CHCHD3: variants seen among roughly 807,000 people sequenced by gnomAD.
CHCHD3 encodes the protein coiled-coil-helix-coiled-coil-helix domain containing 3.
CHCHD3 carries 20 observed loss-of-function variants against 38.2 expected under a neutral mutation model. The ratio of observed to expected loss-of-function variants is 0.52; its 90% CI spans 0.37 to 0.76. The LOEUF (loss-of-function observed/expected upper bound fraction) is 0.76, where lower values mean the gene tolerates loss of function less well. Ranked by LOEUF, CHCHD3 falls within the 30% of genes least tolerant of loss-of-function variation. CHCHD3 has a pLI of 0.00. For missense variants in CHCHD3, 245 were observed against 279.2 expected (o/e 0.88, Z 0.87); for synonymous variants, 82 against 100.0 (o/e 0.82, Z 1.07).
chr7:132,865,172 C>T (rs565344776), intron 5 of CHCHD3, among the ~76,000 whole-genome samples: 2 of 152,204 alleles, frequency 1.3e-5, no homozygotes, highest in South Asian at 4.1e-4. Flanking sequence ...CAAGTGATGA[C>T]CCATGCTAAG....
At chr7:132,807,195 G>GC (rs550408340) in intron 6 of CHCHD3, among the ~76,000 whole-genome samples, 506 of 152,278 alleles carry the variant, frequency 3.3e-3, no homozygotes, top group Non-Finnish European at 5.6e-3. Context: ...CTTGGGGGAG[G>GC]CCCCGCTGCC....
Position 133,035,063 on chromosome 7 carries a change from A to G in CHCHD3, c.170-10436T>C, listed in dbSNP as rs565698765. On this transcript the variant is annotated intron_variant, in intron 2 of 7. Coordinates refer to ENST00000262570, the MANE Select transcript of CHCHD3 (RefSeq NM_017812.4). The surrounding 1 kb of genome is among the most constrained non-coding windows in gnomAD (Gnocchi z 4.7). ...GCTTAAATTCATCCAACACAAAGGT[A>G]CTCTTGGGCAGGTGAGCGAAGGGGT... is the stretch of plus-strand genomic sequence containing the variant. 45 of 1,613,588 alleles carry G rather than the reference A, an allele frequency of 2.8e-5. No homozygotes were observed. Among genetic ancestry groups the G allele is most frequent in the Non-Finnish European group, 3.5e-5 (41 of 1,179,740 alleles).
chr7:132,951,254 T>C (rs952939734), intron 4 of CHCHD3, among the ~76,000 whole-genome samples: 2 of 152,144 alleles, frequency 1.3e-5, no homozygotes, highest in Admixed American at 1.3e-4. Flanking sequence ...TCTCCAAAAC[T>C]AGATACTAAC....
At chr7:132,982,811 C>T (rs1474035055) in intron 3 of CHCHD3, among the ~76,000 whole-genome samples, 3 of 151,796 alleles carry the variant, frequency 2.0e-5, no homozygotes, top group Non-Finnish European at 2.9e-5. Context: ...CAATAACACA[C>T]GTTTGGACTG....
chr7:132,905,626 A>G (rs1330453475), intron 4 of CHCHD3, among the ~76,000 whole-genome samples: 1 of 152,210 alleles, frequency 6.6e-6, no homozygotes, highest in East Asian at 1.9e-4. Flanking sequence ...TTAAAGAAAA[A>G]AAAAACTTAC....
At chr7:133,061,792 A>C (rs577852423) in intron 2 of CHCHD3, among the ~76,000 whole-genome samples, 1 of 152,388 alleles carries the variant, frequency 6.6e-6, no homozygotes, top group South Asian at 2.1e-4. Flanking sequence ...ATATAGAACC[A>C]GAATATTGTC....
rs1806278232 is a variant in CHCHD3, at chr7:132,785,029, T to C, written c.*608A>G. On this transcript the variant is annotated 3_prime_UTR_variant, in exon 8 of 8. Coordinates refer to ENST00000262570, the MANE Select transcript of CHCHD3 (RefSeq NM_017812.4). ...TCCAGTAGAAGAGGTACATTTTCTC[T>C]CCTTTTTGTCTTCTTGCCTGTATAA... is the stretch of plus-strand genomic sequence containing the variant. 6.5e-6 allele frequency: 1 copy of C among 152,678 alleles called. No homozygotes were observed. Among genetic ancestry groups the C allele is most frequent in the African/African-American group, 2.4e-5 (1 of 41,464 alleles). The allele number at this position is 152,678 out of a possible 1,614,324, so 9.5% of individuals were successfully genotyped here.
At chr7:132,861,982 A>G (rs1471348413) in intron 5 of CHCHD3, among the ~76,000 whole-genome samples, 2 of 152,142 alleles carry the variant, frequency 1.3e-5, no homozygotes, top group Non-Finnish European at 2.9e-5. Flanking sequence ...AATAATCCCT[A>G]TATTCCTTCC....
intron 5 of CHCHD3, among the ~76,000 whole-genome samples, chr7:132,841,484 A>G (rs1471739126): frequency 6.6e-6 from 1 of 152,080 alleles, no homozygotes; most frequent in Non-Finnish European, 1.5e-5. Context: ...TTCCAATGAG[A>G]GAACGGATAA....
intron 4 of CHCHD3, among the ~76,000 whole-genome samples, chr7:132,953,501 C>T (rs1408861313): frequency 2.0e-5 from 3 of 152,176 alleles, no homozygotes; most frequent in Admixed American, 6.5e-5. Flanking sequence ...GACTGGACTA[C>T]TGGACAACTC....
intron 4 of CHCHD3, among the ~76,000 whole-genome samples, chr7:132,952,753 G>A (rs145443335): frequency 1.5e-3 from 223 of 152,316 alleles, no homozygotes; most frequent in Non-Finnish European, 2.7e-3. Flanking sequence ...ATTGGCTGCA[G>A]TAAAACCAAA....
intron 3 of CHCHD3, among the ~76,000 whole-genome samples, chr7:133,014,332 A>AG (rs1167753230): frequency 6.6e-6 from 1 of 151,400 alleles, no homozygotes; most frequent in Non-Finnish European, 1.5e-5. Flanking sequence ...GATAACTCAA[A>AG]AAAAAAAAAA....
intron 4 of CHCHD3, among the ~76,000 whole-genome samples, chr7:132,898,591 C>G (rs183118694): frequency 1.3e-5 from 2 of 152,246 alleles, no homozygotes; most frequent in African/African-American, 4.8e-5. Flanking sequence ...CTGCCAGTCC[C>G]GCGCCGTGCG....
chr7:132,936,281 A>C (rs1209851461), intron 4 of CHCHD3, among the ~76,000 whole-genome samples: 2 of 152,212 alleles, frequency 1.3e-5, no homozygotes, highest in Non-Finnish European at 2.9e-5. Flanking sequence ...ACTAAAGAAC[A>C]GGGGATAAGA....
At chr7:133,079,250 G>C (rs1190855557) in intron 1 of CHCHD3, among the ~76,000 whole-genome samples, 1 of 152,176 alleles carries the variant, frequency 6.6e-6, no homozygotes, top group Non-Finnish European at 1.5e-5. Flanking sequence ...TTATTCACAA[G>C]TGCAAACACT....
In CHCHD3 at chr7:132,866,918, G is replaced by C. The variant is rs75545662; in HGVS notation, c.453+18744C>G. On this transcript the variant is annotated intron_variant, in intron 5 of 7. Coordinates refer to ENST00000262570, the MANE Select transcript of CHCHD3 (RefSeq NM_017812.4). Reference sequence around the variant, plus strand: ...GATCTGCCAGCAGGCTTCTCCCCCAGGTAGATGAAACACATGGCTCTTTTG... The same window carrying C: ...GATCTGCCAGCAGGCTTCTCCCCCACGTAGATGAAACACATGGCTCTTTTG... Among the ~76,000 whole-genome samples the C allele has an allele frequency of 9.7e-3, 1,484 of 152,286 alleles. 30 individuals carry two copies. Among genetic ancestry groups the C allele is most frequent in the African/African-American group, 0.033 (1,392 of 41,554 alleles).
At chr7:133,065,164 G>A (rs139675696) in intron 2 of CHCHD3, among the ~76,000 whole-genome samples, 24 of 152,096 alleles carry the variant, frequency 1.6e-4, no homozygotes, top group African/African-American at 5.1e-4. Flanking sequence ...AAAAAATTGA[G>A]GCAGCAAGGA....
At chr7:132,902,471 T>C (rs1809694303) in intron 4 of CHCHD3, among the ~76,000 whole-genome samples, 1 of 152,184 alleles carries the variant, frequency 6.6e-6, no homozygotes, top group South Asian at 2.1e-4. Context: ...ATATACACCA[T>C]GGAATACTAC....
In CHCHD3 at chr7:133,074,289, G is replaced by C. The variant is rs375875296; in HGVS notation, c.82-4060C>G. ...TACTTGTATCTCAGGGCCCAAACCA[G>C]AATGGAAATAAGATGGAAAAGGGAA... On this transcript the variant is annotated intron_variant, in intron 1 of 7. Coordinates refer to ENST00000262570, the MANE Select transcript of CHCHD3 (RefSeq NM_017812.4). 1.5e-4 allele frequency among the ~76,000 whole-genome samples: 23 copies of C among 152,250 alleles called. 1 individual carries two copies. The highest frequency in any genetic ancestry group is 3.4e-3 in the Middle Eastern group (1 of 294).
Sources: allele counts gnomAD v4.1 joint callset (sites outside exome capture counted in the v4.1 genomes callset), GRCh38; gene constraint gnomAD v4.1.1; non-coding constraint Gnocchi (gnomAD v3.1); transcripts MANE v1.5; gene names NCBI Gene and HGNC (gene_info 2026-07-23, HGNC 2026-07-21).